Variants in DAB1 observed in about 807,000 individuals in gnomAD.
DAB1 encodes disabled homolog 1.
A neutral mutation model predicts 64.6 loss-of-function variants in DAB1; 15 were observed. The ratio of observed to expected loss-of-function variants is 0.23; its 90% CI spans 0.16 to 0.36. DAB1 has a LOEUF of 0.36. Ranked by LOEUF, DAB1 falls within the 10% of genes least tolerant of loss-of-function variation. The probability of loss-of-function intolerance (pLI) is 1.00; values close to 1 mark genes in which losing one functional copy is unlikely to be tolerated. For missense variants in DAB1, 596 were observed against 706.7 expected (o/e 0.84, Z 1.78); for synonymous variants, 235 against 251.9 (o/e 0.93, Z 0.64).
chr1:58,470,867 G>A (rs757224579), intron 3 of DAB1, among the ~76,000 whole-genome samples: 1 of 152,044 alleles, frequency 6.6e-6, no homozygotes, highest in African/African-American at 2.4e-5. Context: ...TTGATTGAGC[G>A]AACCTACTGC....
chr1:57,104,251 G>A (rs1384135125), intron 4 of DAB1, among the ~76,000 whole-genome samples: 1 of 152,136 alleles, frequency 6.6e-6, no homozygotes, highest in Non-Finnish European at 1.5e-5. Context: ...TCACTGAACA[G>A]GACATAGATG....
intron 4 of DAB1, among the ~76,000 whole-genome samples, chr1:58,157,681 G>A (rs114175039): frequency 1.8e-3 from 281 of 152,248 alleles, no homozygotes; most frequent in Non-Finnish European, 3.2e-3. Flanking sequence ...TCTGGACCAG[G>A]TAAACACTGA....
intron 3 of DAB1, among the ~76,000 whole-genome samples, chr1:58,405,427 G>C (rs567044324): frequency 6.6e-6 from 1 of 151,890 alleles, no homozygotes; most frequent in African/African-American, 2.4e-5. Context: ...GTTCAGTGAT[G>C]TGATCTTGGC....
intron 2 of DAB1, among the ~76,000 whole-genome samples, chr1:57,279,187 A>AT (rs1168330767): frequency 3.3e-5 from 5 of 152,134 alleles, no homozygotes; most frequent in Non-Finnish European, 5.9e-5. Flanking sequence ...ATCCATGGGG[A>AT]TTAGCTCCAG....
intron 6 of DAB1, among the ~76,000 whole-genome samples, chr1:57,813,609 G>C (rs1027801399): frequency 2.0e-5 from 3 of 152,186 alleles, no homozygotes; most frequent in Non-Finnish European, 4.4e-5. Flanking sequence ...GTTCATAGGA[G>C]ACATTTCAGG....
intron 7 of DAB1, among the ~76,000 whole-genome samples, chr1:57,648,480 GCCT>G (rs796071942): frequency 6.6e-5 from 10 of 152,246 alleles, no homozygotes; most frequent in African/African-American, 2.2e-4. Context: ...AGGTTTCTCA[GCCT>G]CCTCACCAGG....
chr1:57,185,486 G>A (rs1663448060), intron 2 of DAB1, among the ~76,000 whole-genome samples: 2 of 151,880 alleles, frequency 1.3e-5, no homozygotes, highest in Admixed American at 1.3e-4. Context: ...TTAGAAGGAG[G>A]GAGAAAAAGA....
intron 7 of DAB1, among the ~76,000 whole-genome samples, chr1:57,454,107 C>T (rs1265623173): frequency 6.6e-6 from 1 of 152,036 alleles, no homozygotes; most frequent in Non-Finnish European, 1.5e-5. Flanking sequence ...TTTACTATGC[C>T]AAGTTCTGAC....
intron 9 of DAB1, among the ~76,000 whole-genome samples, chr1:57,053,880 T>G (rs925018572): frequency 6.6e-6 from 1 of 151,532 alleles, no homozygotes; most frequent in South Asian, 2.1e-4. Flanking sequence ...AGAGACAGGG[T>G]TTCACCATGT....
chr1:58,000,639 T>C (rs1646493502), intron 5 of DAB1, among the ~76,000 whole-genome samples: 1 of 150,566 alleles, frequency 6.6e-6, no homozygotes, highest in African/African-American at 2.4e-5. Flanking sequence ...GGGGCATTCT[T>C]GGCTCACTGC....
At chr1:57,697,375 C>T (rs1046868123) in intron 6 of DAB1, among the ~76,000 whole-genome samples, 2 of 141,574 alleles carry the variant, frequency 1.4e-5, no homozygotes, top group African/African-American at 5.3e-5. Context: ...GGATAATAAG[C>T]CTGCCTTGTG....
intron 6 of DAB1, among the ~76,000 whole-genome samples, chr1:57,653,766 C>T (rs1200261063): frequency 1.3e-5 from 2 of 152,170 alleles, no homozygotes; most frequent in African/African-American, 4.8e-5. Flanking sequence ...GAGCCCACCA[C>T]CACGATCGGC....
At chr1:58,409,422 C>A (rs1332209318) in intron 3 of DAB1, among the ~76,000 whole-genome samples, 1 of 152,182 alleles carries the variant, frequency 6.6e-6, no homozygotes, top group Non-Finnish European at 1.5e-5. Flanking sequence ...GGACGTTATG[C>A]AGAGGCCATT....
intron 1 of DAB1, among the ~76,000 whole-genome samples, chr1:57,857,349 G>C (rs1283967550): frequency 2.0e-5 from 3 of 152,134 alleles, no homozygotes; most frequent in African/African-American, 7.2e-5. Flanking sequence ...AATGACACTG[G>C]CATCTGGAGA....
intron 2 of DAB1, among the ~76,000 whole-genome samples, chr1:57,235,421 T>C (rs183682782): frequency 5.3e-5 from 8 of 152,284 alleles, no homozygotes; most frequent in Non-Finnish European, 1.0e-4. Context: ...AATGAGATAA[T>C]GTACCTAATG....
chr1:58,110,588 A>C (rs1651917167), intron 5 of DAB1, among the ~76,000 whole-genome samples: 1 of 152,180 alleles, frequency 6.6e-6, no homozygotes, highest in Non-Finnish European at 1.5e-5. Flanking sequence ...ACACTCACAC[A>C]TTATTGTCCA....
At chr1:57,370,435 T>C (rs910726352) in intron 1 of DAB1, among the ~76,000 whole-genome samples, 34 of 152,164 alleles carry the variant, frequency 2.2e-4, no homozygotes, top group African/African-American at 6.3e-4. Context: ...ACTCATAAAG[T>C]GAAATAAAAG....
Position 57,286,350 on chromosome 1 carries a change from TTAA to T in DAB1, c.67+4611_67+4613del, listed in dbSNP as rs1160863067. 2.6e-5 allele frequency among the ~76,000 whole-genome samples: 4 copies of T among 152,126 alleles called. No homozygotes were observed. In the East Asian group the frequency reaches 7.7e-4, roughly 29 times the overall value. ...ATCTGCCCCAGGAGTCATCTAAATC[TTAA>T]TAAGAGGGGGAAAAAAAACACTTCT... On this transcript the variant is annotated intron_variant, in intron 2 of 14. Coordinates refer to ENST00000371236, the MANE Select transcript of DAB1 (RefSeq NM_001365792.1).
intron 4 of DAB1, among the ~76,000 whole-genome samples, chr1:58,270,356 G>T (rs1661285455): frequency 6.9e-6 from 1 of 145,156 alleles, no homozygotes; most frequent in Admixed American, 6.9e-5. Context: ...TATTTCTGAG[G>T]GCTCTGTTCT....
Sources: allele counts gnomAD v4.1 joint callset (sites outside exome capture counted in the v4.1 genomes callset), GRCh38; gene constraint gnomAD v4.1.1; transcripts MANE v1.5; gene names NCBI Gene and HGNC (gene_info 2026-07-23, HGNC 2026-07-21).